The following RGL3 variants were observed in gnomAD, a reference collection of about 807,000 sequenced individuals.
RGL3 encodes ral guanine nucleotide dissociation stimulator-like 3.
Under a neutral mutation model 90.6 loss-of-function variants are expected in RGL3, and 85 were observed. That is an observed-to-expected ratio of 0.94 (90% CI 0.79 to 1.12). The LOEUF is 1.12. Ranked by LOEUF, RGL3 falls within the 50% of genes most tolerant of loss-of-function variation. The pLI is 0.00. For missense variants in RGL3, 1,034 were observed against 939.2 expected, an observed-to-expected ratio of 1.10 and a Z score of -1.32; for synonymous variants, 408 against 385.5, an observed-to-expected ratio of 1.06 and a Z score of -0.68.
intron 18 of RGL3, among the ~76,000 whole-genome samples, chr19:11,395,739 T>C (rs932350361): frequency 7.9e-5 from 12 of 151,566 alleles, no homozygotes; most frequent in African/African-American, 2.4e-4. Flanking sequence ...GTGATTCTTC[T>C]GCCTCAGCCT....
chr19:11,397,567 G>A lies in RGL3; in HGVS notation c.1777C>T (p.Arg593Trp), dbSNP rs774918397. ...CTGCCCAGAGGCAAAGCGAAGGGCCGGGGGCTGGGCAGGTCCAGGCTCAGG... is the reference window on the plus strand; with the variant it reads ...CTGCCCAGAGGCAAAGCGAAGGGCCAGGGGCTGGGCAGGTCCAGGCTCAGG... ...LPLSLDLPSP[R>W]PFALPLGSPR... The change falls in exon 17 of 19, where the codon CGG becomes TGG. Residue 593 changes from arginine to tryptophan, a missense_variant. Coordinates refer to ENST00000380456, the MANE Select transcript of RGL3 (RefSeq NM_001035223.4). The A allele has an allele frequency of 8.6e-5, 136 of 1,586,928 alleles. 1 individual carries two copies. Among genetic ancestry groups the A allele is most frequent in the South Asian group, 4.4e-4 (39 of 88,652 alleles).
chr19:11,414,231 T>TTA lies in RGL3; in HGVS notation c.637+1704_637+1705dup, dbSNP rs549575988. ...TATATACCTTTATATATATATACCT[T>TTA]TATATATATATATACCTTTATATAT... On this transcript the variant is annotated intron_variant, in intron 5 of 18. Transcript: ENST00000380456. 6.4e-3 allele frequency among the ~76,000 whole-genome samples: 465 copies of TTA among 72,454 alleles called. 21 individuals are homozygous for TTA. The highest frequency in any genetic ancestry group is 0.024 in the African/African-American group (413 of 17,498). 47.5% of individuals were successfully genotyped at this position (72,454 alleles called of 152,430 possible). A position where few individuals can be genotyped will look rare whatever the true frequency, so the allele number is the denominator to read the frequency against.
intron 13 of RGL3, among the ~76,000 whole-genome samples, chr19:11,400,589 C>T (rs1023831875): frequency 1.3e-4 from 20 of 151,846 alleles, no homozygotes; most frequent in Middle Eastern, 3.4e-3. Flanking sequence ...CAGTGGCTCA[C>T]GCCTGTAATC....
rs1300669348 is a variant in RGL3 at position 11,397,529 on chromosome 19, G to C, written c.1815C>G (p.Pro605=). The change falls in exon 17 of 19, where the codon CCC becomes CCG. Residue 605 remains proline, a synonymous_variant. Transcript: ENST00000380456. The part of the protein sequence containing the change: ...FALPLGSPRI[P]LPAQQSSEAR... ...CCTCCGAGCTCTGCTGCGCCGGGAGGGGGATTCGAGGGCTGCCCAGAGGCA... is the reference window on the plus strand; with the variant it reads ...CCTCCGAGCTCTGCTGCGCCGGGAGCGGGATTCGAGGGCTGCCCAGAGGCA... 1.2e-6 allele frequency: 2 copies of C among 1,612,612 alleles called. No individual in the cohort carries two copies. Among genetic ancestry groups the C allele is most frequent in the Non-Finnish European group, 8.5e-7 (1 of 1,179,416 alleles).
rs761897206 is a variant in RGL3 at position 11,402,650 on chromosome 19, T to C, written c.1242A>G (p.Ser414=). The change falls in exon 10 of 19, where the codon TCA becomes TCG. Residue 414 remains serine, a splice_region_variant and synonymous_variant. Coordinates refer to ENST00000380456, the MANE Select transcript of RGL3 (RefSeq NM_001035223.4). The part of the protein sequence containing the change: ...EEDNTPGSLP[S]KPPPGPVPYL... Reference sequence around the variant, plus strand: ...CCCATCCCAAACTGTAATCACTCACTGAGGGCAGGCTGCCTGGGGTGTTGT... The same window carrying C: ...CCCATCCCAAACTGTAATCACTCACCGAGGGCAGGCTGCCTGGGGTGTTGT... The C allele has an allele frequency of 3.1e-6, 5 of 1,613,840 alleles. No individual in the cohort carries two copies. Among genetic ancestry groups the C allele is most frequent in the Non-Finnish European group, 4.2e-6 (5 of 1,179,948 alleles).
In RGL3 at chr19:11,397,551, G is replaced by A; in HGVS notation, c.1793C>T (p.Pro598Leu). The stretch of plus-strand genomic sequence containing the variant: ...GAGGGGGATTCGAGGGCTGCCCAGA[G>A]GCAAAGCGAAGGGCCGGGGGCTGGG... ...DLPSPRPFAL[P>L]LGSPRIPLPA... The change falls in exon 17 of 19, where the codon CCT (proline) becomes CTT (leucine). Residue 598 changes from proline to leucine, a missense_variant. Coordinates refer to ENST00000380456, the MANE Select transcript of RGL3 (RefSeq NM_001035223.4). 1 of 1,606,496 alleles carries A rather than the reference G, an allele frequency of 6.2e-7. No homozygotes were observed. Among genetic ancestry groups the A allele is most frequent in the Non-Finnish European group, 8.5e-7 (1 of 1,176,126 alleles).
chr19:11,396,154 ATATATTTTTTTTTTTT>A (rs1968566717), intron 18 of RGL3, among the ~76,000 whole-genome samples: 2 of 65,886 alleles, frequency 3.0e-5, no homozygotes, highest in African/African-American at 1.5e-4. Context: ...ATATATATAT[ATATATTTTTTTTTTTT>A]TTTTTTTTTT....
chr19:11,394,778 G>T, intron 18 of RGL3: 1 of 397,100 alleles, frequency 2.5e-6, no homozygotes, highest in Non-Finnish European at 4.7e-6. Context: ...ATAGAGACAA[G>T]GCAACCTGCA....
intron 8 of RGL3, 29 bp downstream of exon 8, chr19:11,405,294 G>A (rs375973261): frequency 2.8e-5 from 45 of 1,611,848 alleles, no homozygotes; most frequent in African/African-American, 1.3e-4. Context: ...CCTGGGATGG[G>A]CTGGGGAACA....
At chr19:11,415,768 C>T (rs1391599725) in intron 5 of RGL3, among the ~76,000 whole-genome samples, 169 bp downstream of exon 5, 1 of 152,128 alleles carries the variant, frequency 6.6e-6, no homozygotes, top group South Asian at 2.1e-4. Context: ...GCCACCACGC[C>T]CGGCTGACAA....
intron 5 of RGL3, among the ~76,000 whole-genome samples, chr19:11,410,784 C>T (rs1968861198): frequency 6.6e-6 from 1 of 152,084 alleles, no homozygotes; most frequent in Non-Finnish European, 1.5e-5. Flanking sequence ...GAGAAACATG[C>T]TGCATGAAAC....
chr19:11,404,390 G>A lies in RGL3; in HGVS notation c.1185+757C>T, dbSNP rs569400104. Reference sequence around the variant, plus strand: ...CAAATACAAAAATTAGCCAAGCGTCGTGGTGGGTGCCTGTAATCCCAGCTA... The same window carrying A: ...CAAATACAAAAATTAGCCAAGCGTCATGGTGGGTGCCTGTAATCCCAGCTA... On this transcript the variant is annotated intron_variant, in intron 9 of 18. Coordinates refer to ENST00000380456, the MANE Select transcript of RGL3 (RefSeq NM_001035223.4). 2.9e-4 allele frequency among the ~76,000 whole-genome samples: 44 copies of A among 152,314 alleles called. No homozygotes were observed. The South Asian group carries it at 6.0e-3, about 21-fold the overall frequency.
chr19:11,411,984 A>G (rs1968882260), intron 5 of RGL3, among the ~76,000 whole-genome samples: 1 of 152,112 alleles, frequency 6.6e-6, no homozygotes, highest in Non-Finnish European at 1.5e-5. Flanking sequence ...GTTATTAAAA[A>G]ATAAAAATAA....
chr19:11,407,167 A>T (rs577448544), intron 5 of RGL3, among the ~76,000 whole-genome samples: 2 of 151,868 alleles, frequency 1.3e-5, no homozygotes, highest in African/African-American at 4.8e-5. Context: ...TGTATTTTTA[A>T]TAGAGACGGG....
chr19:11,395,175 C>A (rs143817824), intron 18 of RGL3, among the ~76,000 whole-genome samples: 2 of 151,932 alleles, frequency 1.3e-5, no homozygotes, highest in East Asian at 1.9e-4. Flanking sequence ...GACCACCCCC[C>A]GCCAAACAAC....
intron 9 of RGL3, 44 bp from the exon 10 acceptor site, chr19:11,402,750 A>C: frequency 6.5e-7 from 1 of 1,549,390 alleles, no homozygotes; most frequent in Non-Finnish European, 8.9e-7. Context: ...GTCTCCTTGG[A>C]CAATTCCTCA....
At chr19:11,415,151 A>T (rs1449631213) in intron 5 of RGL3, among the ~76,000 whole-genome samples, 1 of 151,754 alleles carries the variant, frequency 6.6e-6, no homozygotes. Flanking sequence ...AGATAAAAAA[A>T]TAAAATTAAA....
At chr19:11,403,726 T>C (rs1026437067) in intron 9 of RGL3, among the ~76,000 whole-genome samples, 2 of 149,348 alleles carry the variant, frequency 1.3e-5, no homozygotes, top group Non-Finnish European at 3.0e-5. Flanking sequence ...AGGGAGGAGA[T>C]AAACAGCAGG....
chr19:11,419,289 C>A lies in RGL3; in HGVS notation c.-11G>T. 1 of 1,540,138 alleles carries A rather than the reference C, an allele frequency of 6.5e-7. No individual in the cohort carries two copies. The highest frequency in any genetic ancestry group is 8.8e-7 in the Non-Finnish European group (1 of 1,141,458). ...TGCTGTGCGCTCCATGGCCGGCGCC[C>A]GTCCCTCTCAGTGGCGCCGCTGAGT... On this transcript the variant is annotated 5_prime_UTR_variant, in exon 1 of 19. Transcript: ENST00000380456.
Sources: gnomAD v4.1 joint callset for allele counts (sites outside exome capture counted in the v4.1 genomes callset) on GRCh38, gnomAD v4.1.1 for gene constraint, MANE v1.5 for transcripts, NCBI Gene and HGNC (gene_info 2026-07-23, HGNC 2026-07-21) for gene names.